The following USP36 variants were observed in gnomAD, a reference collection of about 807,000 sequenced individuals.
USP36 encodes the protein ubiquitin carboxyl-terminal hydrolase 36.
USP36 carries 59 observed loss-of-function variants against 111.5 expected under a neutral mutation model. The ratio of observed to expected loss-of-function variants is 0.53; its 90% confidence interval spans 0.43 to 0.66. USP36 has a LOEUF of 0.66. Among genes scored for constraint, USP36 ranks in the 30% least tolerant of loss-of-function variants. The probability of loss-of-function intolerance (pLI) is 0.00; values close to 1 mark genes in which losing one functional copy is unlikely to be tolerated. For synonymous variants in USP36, 628 were observed against 581.0 expected (o/e 1.08, Z -1.16); for missense variants, 1,488 against 1,468.0 (o/e 1.01, Z -0.22).
chr17:78,818,222 C>A (rs981144794), intron 10 of USP36, among the ~76,000 whole-genome samples: 6 of 152,220 alleles, frequency 3.9e-5, no homozygotes, highest in Admixed American at 2.6e-4. Context: ...GCAAGTCCCA[C>A]CGCCCAGTGC....
intron 12 of USP36, 54 bp from the exon 13 acceptor site, chr17:78,813,055 G>C: frequency 6.2e-7 from 1 of 1,607,510 alleles, no homozygotes; most frequent in Non-Finnish European, 8.5e-7. Context: ...TTACAGAAAC[G>C]GAGAGAATTA....
At chr17:78,794,363 C>T (rs1325110182), downstream of USP36, among the ~76,000 whole-genome samples, 1 of 152,214 alleles carries the variant, frequency 6.6e-6, no homozygotes, top group Non-Finnish European at 1.5e-5. Context: ...GCTTTTGCAC[C>T]TGACTTACAG....
downstream of USP36, among the ~76,000 whole-genome samples, chr17:78,795,079 C>A (rs2093611782): frequency 6.6e-6 from 1 of 151,762 alleles, no homozygotes. The surrounding 1 kb of genome is among the most constrained non-coding windows in gnomAD (Gnocchi z 4.5). Context: ...GCGTTGGTGT[C>A]AGATCACCAC....
chr17:78,827,809 T>G (rs913133869), intron 5 of USP36, among the ~76,000 whole-genome samples: 1 of 152,332 alleles, frequency 6.6e-6, no homozygotes, highest in Admixed American at 6.5e-5. Context: ...CTTAGGTGGC[T>G]GAGGCAGGAG....
chr17:78,817,076 T>C (rs1015313397), intron 10 of USP36, among the ~76,000 whole-genome samples: 2 of 152,238 alleles, frequency 1.3e-5, no homozygotes, highest in South Asian at 2.1e-4. Context: ...GCATTTTCAC[T>C]GTACCTTCTC....
At chr17:78,831,224 T>C (rs1383809880) in intron 4 of USP36, among the ~76,000 whole-genome samples, 49 of 29,602 alleles carry the variant, frequency 1.7e-3, no homozygotes, top group African/African-American at 7.7e-3. Context: ...AAACTCCATC[T>C]CAAAAAAAAA....
At chr17:78,834,997 GTATATA>G (rs10527657) in intron 4 of USP36, among the ~76,000 whole-genome samples, 2 of 141,390 alleles carry the variant, frequency 1.4e-5, no homozygotes, top group African/African-American at 2.8e-5. Flanking sequence ...AATAATATTT[GTATATA>G]TATATATATA....
At chr17:78,836,729 G>T (rs1210431969) in intron 2 of USP36, among the ~76,000 whole-genome samples, 4 of 151,974 alleles carry the variant, frequency 2.6e-5, no homozygotes, top group African/African-American at 7.3e-5. Flanking sequence ...AGGTCATCAC[G>T]TGGTCCAAAT....
intron 15 of USP36, among the ~76,000 whole-genome samples, chr17:78,804,983 C>T (rs1413304156): frequency 1.3e-5 from 2 of 152,000 alleles, no homozygotes; most frequent in East Asian, 1.9e-4. Flanking sequence ...GTCATTAGGA[C>T]GCTGAAACCG....
chr17:78,790,241 C>CACCA (rs972630698), intron 3 of USP36, among the ~76,000 whole-genome samples: 77 of 152,072 alleles, frequency 5.1e-4, no homozygotes, highest in African/African-American at 1.8e-3. Flanking sequence ...AGGCACCCAC[C>CACCA]ACCACGCCTG....
chr17:78,795,300 C>T (rs538362833), downstream of USP36, among the ~76,000 whole-genome samples: 2 of 152,276 alleles, frequency 1.3e-5, no homozygotes, highest in South Asian at 2.1e-4. This position sits in a 1 kb window ranked among gnomAD's most constrained non-coding sequence, Gnocchi z 4.5. Context: ...TAAAGAGAAG[C>T]GAAGACATGA....
At chr17:78,814,339 G>C in intron 11 of USP36, 73 bp downstream of exon 11, 2 of 1,583,436 alleles carry the variant, frequency 1.3e-6, no homozygotes, top group Non-Finnish European at 1.7e-6. Flanking sequence ...GTGCTCTACA[G>C]AGGCCGCATC....
Position 78,836,243 on chromosome 17 carries a change from C to A in USP36, c.121G>T (p.Glu41Ter). The A allele has an allele frequency of 6.2e-7, 1 of 1,614,090 alleles. No individual in the cohort carries two copies. Among genetic ancestry groups the A allele is most frequent in the Non-Finnish European group, 8.5e-7 (1 of 1,180,006 alleles). The change falls in exon 3 of 21, where the codon GAG becomes TAG. Residue 41 changes from glutamate to a stop codon, truncating the protein, a stop_gained. Coordinates refer to ENST00000449938, the MANE Select transcript of USP36 (RefSeq NM_001385174.1). LOFTEE classifies it high-confidence loss of function. Reference sequence around the variant, plus strand: ...AAGCTCTTGCTGGCTGGCTCGAACTCGATTTTCTGTAAAAGGACCTTCTTG... The same window carrying A: ...AAGCTCTTGCTGGCTGGCTCGAACTAGATTTTCTGTAAAAGGACCTTCTTG... ...SAKKVLLQKI[E>*]FEPASKSFSY...
At chr17:78,812,697 G>GAAAA (rs572009070) in intron 13 of USP36, among the ~76,000 whole-genome samples, 163 bp downstream of exon 13, 40 of 52,574 alleles carry the variant, frequency 7.6e-4, no homozygotes, top group African/African-American at 1.8e-3. Context: ...ACTCTGTCTC[G>GAAAA]AAAAAAAAAA....
chr17:78,815,785 T>C (rs540870091), intron 10 of USP36, among the ~76,000 whole-genome samples: 6 of 152,038 alleles, frequency 3.9e-5, no homozygotes, highest in Non-Finnish European at 7.4e-5. Context: ...CATGCACACA[T>C]ATATACATAC....
At chr17:78,822,786 G>C (rs888272902) in intron 6 of USP36, among the ~76,000 whole-genome samples, 7 of 152,182 alleles carry the variant, frequency 4.6e-5, no homozygotes, top group Non-Finnish European at 8.8e-5. Flanking sequence ...ATCTGGTCCT[G>C]ACTCACTGCT....
At chr17:78,823,099 G>A (rs1157357094) in intron 6 of USP36, 2 of 398,802 alleles carry the variant, frequency 5.0e-6, no homozygotes, top group Non-Finnish European at 8.8e-6. Flanking sequence ...CATCTGGCCT[G>A]TGTGACTATT....
chr17:78,827,807 G>T (rs544593738), intron 5 of USP36, among the ~76,000 whole-genome samples: 1 of 152,230 alleles, frequency 6.6e-6, no homozygotes, highest in African/African-American at 2.4e-5. Context: ...TACTTAGGTG[G>T]CTGAGGCAGG....
chr17:78,820,938 C>T, intron 8 of USP36, 53 bp downstream of exon 8: 2 of 1,558,140 alleles, frequency 1.3e-6, no homozygotes, highest in South Asian at 1.2e-5. Context: ...TTCTGTTTCA[C>T]CCTCTGGCCT....
Sources: allele counts gnomAD v4.1 joint callset (sites outside exome capture counted in the v4.1 genomes callset), GRCh38; gene constraint gnomAD v4.1.1; non-coding constraint Gnocchi (gnomAD v3.1); transcripts MANE v1.5; gene names NCBI Gene and HGNC (gene_info 2026-07-23, HGNC 2026-07-21).